The following TCF4 variants were observed in gnomAD, a reference collection of about 807,000 sequenced individuals.
TCF4 encodes the protein transcription factor 4, also known as SL3-3 enhancer factor 2.
TCF4 carries 3 observed loss-of-function variants against 82.1 expected under a neutral mutation model. The observed-to-expected ratio is 0.04, with a 90% CI of 0.02 to 0.09. TCF4 has a LOEUF of 0.09. TCF4 is among the 10% of genes least tolerant of loss of function. The pLI is 1.00. For synonymous variants in TCF4, 276 were observed against 309.6 expected (o/e 0.89, Z 1.14); for missense variants, 518 against 852.7 (o/e 0.61, Z 4.89).
intron 11 of TCF4, 32 bp downstream of exon 11, chr18:55,269,799 T>C (rs759218360): frequency 4.3e-5 from 70 of 1,612,472 alleles, no homozygotes; most frequent in Non-Finnish European, 5.8e-5. Context: ...ACACCAATTG[T>C]TGGTATCAGA....
upstream of TCF4, among the ~76,000 whole-genome samples, chr18:55,588,947 A>G (rs143448554): frequency 2.3e-3 from 346 of 152,272 alleles, 8 homozygotes; most frequent in East Asian, 0.054. Flanking sequence ...TTTTAATTCA[A>G]CATTTACCAT....
At chr18:55,229,167 A>T (rs1242945451) in intron 17 of TCF4, 91 bp from the exon 18 acceptor site, 6 of 1,465,754 alleles carry the variant, frequency 4.1e-6, no homozygotes, top group Non-Finnish European at 5.7e-6. Flanking sequence ...GTTTTCAGGG[A>T]ACTTTTCCAT....
At chr18:55,416,678 C>G (rs1277867778) in intron 5 of TCF4, among the ~76,000 whole-genome samples, 1 of 152,194 alleles carries the variant, frequency 6.6e-6, no homozygotes, top group Non-Finnish European at 1.5e-5. Context: ...CCTCCTTTGG[C>G]CAATATGGCT....
chr18:55,346,093 A>T (rs1483056479), intron 8 of TCF4, among the ~76,000 whole-genome samples: 2 of 152,176 alleles, frequency 1.3e-5, no homozygotes, highest in African/African-American at 4.8e-5. Flanking sequence ...TTCAAATAGG[A>T]AAGTTTTTAT....
chr18:55,496,309 G>T (rs1173347334), intron 3 of TCF4: 1 of 151,214 alleles, frequency 6.6e-6, no homozygotes, highest in Non-Finnish European at 1.5e-5. Context: ...AATTATAAAA[G>T]TAATTAAACT....
chr18:55,585,841 GGA>G, intron 2 of TCF4: 1 of 1,154,668 alleles, frequency 8.7e-7, no homozygotes, highest in Non-Finnish European at 1.1e-6. Context: ...GTCTCTAACA[GGA>G]GAGCAATTTG....
At chr18:55,554,491 A>G (rs537246468) in intron 3 of TCF4, among the ~76,000 whole-genome samples, 1 of 152,110 alleles carries the variant, frequency 6.6e-6, no homozygotes. Context: ...TGAAATTCTT[A>G]TATTTTTTAT....
intron 3 of TCF4, chr18:55,469,741 T>C (rs1275929731): frequency 6.6e-6 from 1 of 152,204 alleles, no homozygotes; most frequent in Non-Finnish European, 1.5e-5. Flanking sequence ...CAGCAGGGAC[T>C]CTGCAGTGAC....
At chr18:55,437,539 T>A (rs1203609064) in intron 5 of TCF4, among the ~76,000 whole-genome samples, 1 of 152,228 alleles carries the variant, frequency 6.6e-6, no homozygotes. Context: ...GATGATTCAC[T>A]TTTCCTGAGT....
At chr18:55,386,016 C>T (rs147652044) in intron 6 of TCF4, among the ~76,000 whole-genome samples, 2 of 152,324 alleles carry the variant, frequency 1.3e-5, no homozygotes, top group Admixed American at 6.5e-5. Context: ...GCATTCATGA[C>T]CAACAAGCTG....
chr18:55,406,251 G>A (rs2094081813), intron 5 of TCF4, among the ~76,000 whole-genome samples: 1 of 149,728 alleles, frequency 6.7e-6, no homozygotes, highest in African/African-American at 2.5e-5. Flanking sequence ...TTCTGATAGT[G>A]TAAGCTTTTA....
intron 2 of TCF4, among the ~76,000 whole-genome samples, chr18:55,597,341 A>G (rs185163251): frequency 5.3e-5 from 8 of 152,258 alleles, no homozygotes; most frequent in East Asian, 1.9e-4. Context: ...TTTGCATTCT[A>G]TTTCTTCTCA....
At chr18:55,457,455 GATT>G (rs1476645646) in intron 5 of TCF4, among the ~76,000 whole-genome samples, 1 of 152,118 alleles carries the variant, frequency 6.6e-6, no homozygotes, top group Non-Finnish European at 1.5e-5. Flanking sequence ...ACACACACAA[GATT>G]ATTTCTAAAA....
intron 5 of TCF4, among the ~76,000 whole-genome samples, chr18:55,453,040 C>G (rs2095656457): frequency 6.6e-6 from 1 of 152,150 alleles, no homozygotes; most frequent in Non-Finnish European, 1.5e-5. Flanking sequence ...GAATTGAACA[C>G]TGCAAGTTAG....
intron 6 of TCF4, among the ~76,000 whole-genome samples, chr18:55,389,389 A>G (rs996822863): frequency 6.6e-6 from 1 of 152,108 alleles, no homozygotes. Context: ...GGCTGTAGAC[A>G]GTGTGATGAC....
At chr18:55,365,742 A>G (rs1350060004) in intron 6 of TCF4, among the ~76,000 whole-genome samples, 2 of 152,098 alleles carry the variant, frequency 1.3e-5, no homozygotes, top group African/African-American at 4.8e-5. Flanking sequence ...TCTACTAAAA[A>G]TATAAAAAAA....
At chr18:55,626,148 G>A (rs1056098899) in intron 2 of TCF4, among the ~76,000 whole-genome samples, 1 of 152,206 alleles carries the variant, frequency 6.6e-6, no homozygotes, top group African/African-American at 2.4e-5. Flanking sequence ...ATATTTGGAG[G>A]AAGCCCAGTT....
chr18:55,484,810 T>C (rs751170529), intron 3 of TCF4, among the ~76,000 whole-genome samples: 15 of 152,250 alleles, frequency 9.9e-5, no homozygotes, highest in Non-Finnish European at 1.8e-4. Context: ...CACTGTTAGT[T>C]CTGTTGGTCC....
At chr18:55,483,639 G>GCACCCTAGTGATTTA (rs2096473984) in intron 3 of TCF4, among the ~76,000 whole-genome samples, 1 of 152,168 alleles carries the variant, frequency 6.6e-6, no homozygotes, top group South Asian at 2.1e-4. Context: ...ACTTTGATAT[G>GCACCCTAGTGATTTA]CACCCTAGTG....
Sources: allele counts gnomAD v4.1 joint callset (sites outside exome capture counted in the v4.1 genomes callset), GRCh38; gene constraint gnomAD v4.1.1; transcripts MANE v1.5; gene names NCBI Gene and HGNC (gene_info 2026-07-23, HGNC 2026-07-21).